MGAT4C: variants seen among roughly 807,000 people sequenced by gnomAD.
MGAT4C encodes MGAT4 family member C, also known as alpha-1,3-mannosyl-glycoprotein 4-beta-N-acetylglucosaminyltransferase C.
Under a neutral mutation model 40.1 loss-of-function variants are expected in MGAT4C, and 19 were observed. The observed-to-expected ratio is 0.47, with a 90% CI of 0.33 to 0.70. MGAT4C has a LOEUF of 0.70. Among genes scored for constraint, MGAT4C ranks in the 30% least tolerant of loss-of-function variants. The pLI, the probability that MGAT4C is intolerant of heterozygous loss-of-function variation, is 0.02. For missense variants in MGAT4C, 491 were observed against 563.2 expected (o/e 0.87, Z 1.30); for synonymous variants, 181 against 187.1 (o/e 0.97, Z 0.27).
chr12:86,574,643 A>C (rs1296138053), intron 2 of MGAT4C, among the ~76,000 whole-genome samples: 1 of 151,814 alleles, frequency 6.6e-6, no homozygotes, highest in African/African-American at 2.4e-5. Flanking sequence ...ATAAACAGCA[A>C]AGTGAATGCA....
At chr12:86,141,250 AT>A (rs1882797532) in intron 1 of MGAT4C, among the ~76,000 whole-genome samples, 2 of 152,202 alleles carry the variant, frequency 1.3e-5, no homozygotes, top group Admixed American at 1.3e-4. Context: ...GAGTAGATAA[AT>A]TTTTACAAAG....
intron 4 of MGAT4C, among the ~76,000 whole-genome samples, chr12:86,294,374 T>C (rs373280891): frequency 6.8e-6 from 1 of 146,280 alleles, no homozygotes; most frequent in Admixed American, 6.9e-5. Context: ...TTTTTTTTTT[T>C]AATCTAAATC....
At chr12:86,330,406 A>C (rs567553384) in intron 4 of MGAT4C, among the ~76,000 whole-genome samples, 1 of 152,306 alleles carries the variant, frequency 6.6e-6, no homozygotes, top group East Asian at 1.9e-4. Flanking sequence ...ACTTTGAATA[A>C]ATAAATTTGT....
intron 1 of MGAT4C, among the ~76,000 whole-genome samples, chr12:86,735,831 T>A (rs1950977463): frequency 6.6e-6 from 1 of 151,880 alleles, no homozygotes; most frequent in South Asian, 2.1e-4. Flanking sequence ...ATCGACTATA[T>A]CCTTAATCTC....
At chr12:86,281,794 G>T (rs901236341) in intron 4 of MGAT4C, among the ~76,000 whole-genome samples, 1 of 151,954 alleles carries the variant, frequency 6.6e-6, no homozygotes, top group Admixed American at 6.6e-5. Context: ...CTGAGCTTTT[G>T]TTCATGAGAA....
chr12:86,692,500 T>A (rs141535431), intron 2 of MGAT4C, among the ~76,000 whole-genome samples: 2 of 152,196 alleles, frequency 1.3e-5, no homozygotes, highest in African/African-American at 4.8e-5. Flanking sequence ...GTAAAGAGTT[T>A]ATTTCTCTCC....
At chr12:86,822,943 G>T (rs1399728807) in intron 1 of MGAT4C, among the ~76,000 whole-genome samples, 1 of 151,034 alleles carries the variant, frequency 6.6e-6, no homozygotes, top group Non-Finnish European at 1.5e-5. Context: ...CATTAAGACT[G>T]AAATTATACC....
At chr12:86,837,499 T>C (rs1246384000) in intron 1 of MGAT4C, among the ~76,000 whole-genome samples, 1 of 152,108 alleles carries the variant, frequency 6.6e-6, no homozygotes, top group Non-Finnish European at 1.5e-5. Flanking sequence ...CTTGAGCCTG[T>C]ATTAACCCAC....
At chr12:86,103,614 T>C (rs1308447917) in intron 1 of MGAT4C, among the ~76,000 whole-genome samples, 1 of 152,160 alleles carries the variant, frequency 6.6e-6, no homozygotes, top group African/African-American at 2.4e-5. Flanking sequence ...CACAGGAAGC[T>C]GATTGATACA....
intron 2 of MGAT4C, among the ~76,000 whole-genome samples, chr12:86,441,342 T>A (rs1957223713): frequency 6.6e-6 from 1 of 151,002 alleles, no homozygotes. Flanking sequence ...TTATTATTAT[T>A]TTTATTATTA....
chr12:86,816,854 TTTAA>T (rs1038464342), intron 1 of MGAT4C, among the ~76,000 whole-genome samples: 3 of 151,510 alleles, frequency 2.0e-5, no homozygotes, highest in Non-Finnish European at 4.4e-5. Flanking sequence ...TATTTTTATT[TTTAA>T]TTATTTTATT....
At chr12:86,704,928 A>T (rs1950428437) in intron 2 of MGAT4C, among the ~76,000 whole-genome samples, 1 of 152,022 alleles carries the variant, frequency 6.6e-6, no homozygotes, top group Admixed American at 6.6e-5. Context: ...TGTTTTAGTT[A>T]ACTTTCCATA....
intron 2 of MGAT4C, among the ~76,000 whole-genome samples, chr12:86,569,992 A>G (rs1960297304): frequency 6.6e-6 from 1 of 152,130 alleles, no homozygotes; most frequent in Non-Finnish European, 1.5e-5. Flanking sequence ...TAGAATCTAA[A>G]AAAGTTGAAC....
intron 3 of MGAT4C, among the ~76,000 whole-genome samples, chr12:86,371,134 AG>A (rs1427325852): frequency 6.6e-6 from 1 of 152,000 alleles, no homozygotes; most frequent in Non-Finnish European, 1.5e-5. Flanking sequence ...CCAGCTAAAG[AG>A]GACTAAATAT....
chr12:86,608,347 G>A (rs1160265887), intron 2 of MGAT4C, among the ~76,000 whole-genome samples: 1 of 152,102 alleles, frequency 6.6e-6, no homozygotes, highest in Non-Finnish European at 1.5e-5. Context: ...GGGAGGCTTA[G>A]AAAGGGAGAT....
chr12:86,513,667 G>C (rs1300791079), intron 2 of MGAT4C, among the ~76,000 whole-genome samples: 1 of 152,140 alleles, frequency 6.6e-6, no homozygotes, highest in Non-Finnish European at 1.5e-5. Flanking sequence ...GGGAATGGTA[G>C]AGACTTTCAA....
At chr12:86,182,462 T>C (rs914124358) in intron 1 of MGAT4C, among the ~76,000 whole-genome samples, 2 of 152,136 alleles carry the variant, frequency 1.3e-5, no homozygotes, top group Non-Finnish European at 2.9e-5. Flanking sequence ...CTTGTTCACA[T>C]GTGCTAATGG....
chr12:86,113,286 C>A (rs774645328), intron 1 of MGAT4C, among the ~76,000 whole-genome samples: 7 of 151,686 alleles, frequency 4.6e-5, no homozygotes, highest in Non-Finnish European at 8.8e-5. Context: ...TAAGAATTAT[C>A]AAGAGTGACT....
intron 4 of MGAT4C, among the ~76,000 whole-genome samples, chr12:86,316,225 G>A (rs190087364): frequency 3.9e-5 from 6 of 152,216 alleles, no homozygotes; most frequent in African/African-American, 1.2e-4. Flanking sequence ...CAGCAATGCT[G>A]GTGAGGCTGC....
Sources: gnomAD v4.1 joint callset for allele counts (sites outside exome capture counted in the v4.1 genomes callset) on GRCh38, gnomAD v4.1.1 for gene constraint, MANE v1.5 for transcripts, NCBI Gene and HGNC (gene_info 2026-07-23, HGNC 2026-07-21) for gene names.